BMP1: variants seen among roughly 807,000 people sequenced by gnomAD.
BMP1 encodes the protein mammalian tolloid protein.
BMP1 carries 63 observed loss-of-function variants against 116.8 expected under a neutral mutation model. That is an observed-to-expected ratio of 0.54 (90% CI 0.44 to 0.67). The LOEUF is 0.67. Among genes scored for constraint, BMP1 ranks in the 30% least tolerant of loss-of-function variants. BMP1 has a pLI of 0.00. For missense variants in BMP1, 1,183 were observed against 1,358.9 expected (o/e 0.87, Z 2.04); for synonymous variants, 536 against 533.4 (o/e 1.00, Z -0.07).
At chr8:22,176,798 G>A (rs1358230554) in intron 4 of BMP1, 148 bp downstream of exon 4, 2 of 1,011,560 alleles carry the variant, frequency 2.0e-6, no homozygotes, top group Middle Eastern at 2.6e-4. Context: ...ACTGCCCCCT[G>A]TGCGGCTGTG....
At chr8:22,180,299 G>C (rs966721966) in intron 7 of BMP1, 69 bp from the exon 8 acceptor site, 1 of 1,294,516 alleles carries the variant, frequency 7.7e-7, no homozygotes, top group African/African-American at 1.5e-5. Context: ...AAGGTTCAGG[G>C]GTGGGTGAGC....
In BMP1 at chr8:22,198,968, C is replaced by T. The variant is rs536667436; in HGVS notation, c.2107+1548C>T. 1.9e-5 allele frequency: 25 copies of T among 1,282,072 alleles called. 1 individual carries two copies. Among genetic ancestry groups the T allele is most frequent in the South Asian group, 1.9e-4 (14 of 74,116 alleles). 79.4% of individuals were successfully genotyped at this position (1,282,072 alleles called of 1,614,324 possible). On this transcript the variant is annotated intron_variant, in intron 15 of 19. Coordinates refer to ENST00000306385, the MANE Select transcript of BMP1 (RefSeq NM_006129.5). ...CACCCACTCGGGGCAGGCTCTGCCCCGGGAAACCATTACCTGCTTACTCTC... is the reference window on the plus strand; with the variant it reads ...CACCCACTCGGGGCAGGCTCTGCCCTGGGAAACCATTACCTGCTTACTCTC...
At position 22,197,292 on chromosome 8, in the gene BMP1, A is replaced by T; in HGVS notation, c.1979A>T (p.Lys660Met). Residue 660 changes from lysine to methionine, a missense_variant, in exon 15 of 20, where the codon AAG (lysine) becomes ATG (methionine). Physicochemically the swap from Lys to Met is moderately conservative, Grantham distance 95. Around this residue, in one of 4 missense-constraint regions of BMP1, gnomAD observed 956 missense variants for 1,135.2 expected, o/e 0.84. Coordinates refer to ENST00000306385, the MANE Select transcript of BMP1 (RefSeq NM_006129.5). ...EVRSGLTADS[K>M]LHGKFCGSEK... ...CGCAGTGGACTCACAGCTGACTCCA[A>T]GCTGCATGGCAAGTTCTGTGGTTCT... The T allele has an allele frequency of 6.2e-7, 1 of 1,614,006 alleles. No homozygotes were observed. Among genetic ancestry groups the T allele is most frequent in the Non-Finnish European group, 8.5e-7 (1 of 1,179,888 alleles).
chr8:22,195,977 G>A (rs1262040065), intron 13 of BMP1, among the ~76,000 whole-genome samples: 3 of 152,022 alleles, frequency 2.0e-5, no homozygotes, highest in East Asian at 1.9e-4. Context: ...CCCCTTCTTG[G>A]AAAAGCTAGA....
intron 5 of BMP1, 23 bp from the exon 6 acceptor site, chr8:22,177,829 C>A: frequency 6.4e-7 from 1 of 1,566,346 alleles, no homozygotes; most frequent in Non-Finnish European, 8.8e-7. Context: ...TCTCCCCCCA[C>A]ACCCTTTTCC....
At chr8:22,210,446 CCTCTCTCT>C (rs35296515) in intron 19 of BMP1, among the ~76,000 whole-genome samples, 174 of 135,716 alleles carry the variant, frequency 1.3e-3, no homozygotes, top group Admixed American at 3.2e-3. Flanking sequence ...TCTCTCTTTC[CCTCTCTCT>C]CTCTCTCTCT....
chr8:22,199,381 C>A (rs747683487), intron 15 of BMP1: 1 of 1,287,702 alleles, frequency 7.8e-7, no homozygotes, highest in Non-Finnish European at 1.0e-6. Context: ...CATTTGGGCA[C>A]TGTAGGGTGA....
rs1391049222 is a variant in BMP1, at chr8:22,201,794, C to T, written c.2108-9C>T. The T allele has an allele frequency of 1.2e-6, 2 of 1,613,184 alleles. No homozygotes were observed. Among genetic ancestry groups the T allele is most frequent in the Admixed American group, 1.7e-5 (1 of 59,998 alleles). ...GACCCAGCGTCTGCCCTTATTTGCT[C>T]CCCTGCAGACAAGGACGAGTGCTCC... On this transcript the variant is annotated splice_polypyrimidine_tract_variant and intron_variant, in intron 15 of 19. Transcript: ENST00000306385.
At chr8:22,202,036 G>A in intron 16 of BMP1, 108 bp downstream of exon 16, 1 of 1,437,724 alleles carries the variant, frequency 7.0e-7, no homozygotes, top group South Asian at 1.4e-5. Flanking sequence ...GGGCCTGTAT[G>A]ATCTCTAAGG....
chr8:22,187,424 C>T lies in BMP1; in HGVS notation c.1078-4625C>T, dbSNP rs559382679. Among the ~76,000 whole-genome samples the T allele has an allele frequency of 2.1e-4, 32 of 151,350 alleles. No individual in the cohort carries two copies. The South Asian group carries it at 2.7e-3, about 13-fold the overall frequency. On this transcript the variant is annotated intron_variant, in intron 8 of 19. Coordinates refer to ENST00000306385, the MANE Select transcript of BMP1 (RefSeq NM_006129.5). ...TCGGCTCACTGCAAGCTCCGCCTCC[C>T]GGGTTCAGCCATTCTCCTGCCTCAG... is the stretch of plus-strand genomic sequence containing the variant.
intron 1 of BMP1, among the ~76,000 whole-genome samples, chr8:22,165,882 C>CGTGTGTGT (rs149003237): frequency 0.11 from 14,538 of 131,198 alleles, 1,057 homozygotes; most frequent in Non-Finnish European, 0.13. Flanking sequence ...CCTGTGCGTG[C>CGTGTGTGT]GTGTGTGTGT....
intron 1 of BMP1, among the ~76,000 whole-genome samples, chr8:22,165,878 C>CGTGGGTGTGTGTGTGTGTGTGTGT (rs1432185239): frequency 1.6e-4 from 11 of 67,800 alleles, no homozygotes; most frequent in African/African-American, 4.9e-4. Context: ...AACTCCTGTG[C>CGTGGGTGTGTGTGTGTGTGTGTGT]GTGCGTGTGT....
At chr8:22,188,181 T>TG (rs1828831018) in intron 8 of BMP1, among the ~76,000 whole-genome samples, 2 of 149,336 alleles carry the variant, frequency 1.3e-5, no homozygotes, top group African/African-American at 5.0e-5. Context: ...TTTTGGGTTT[T>TG]TTTTTTTTTT....
chr8:22,196,748 C>A lies in BMP1; in HGVS notation c.1834C>A (p.Pro612Thr), dbSNP rs1424662279. 6.2e-7 allele frequency: 1 copy of A among 1,613,976 alleles called. No individual in the cohort carries two copies. The highest frequency in any genetic ancestry group is 8.5e-7 in the Non-Finnish European group (1 of 1,179,964). ...ITSPGWPKEYPPNKNCIWQLV... is the reference protein window; with the variant it reads ...ITSPGWPKEYTPNKNCIWQLV... ...CAGCCCGGGCTGGCCCAAGGAGTAC[C>A]CCCCCAACAAGAACTGCATCTGGCA... Residue 612 changes from proline to threonine, a missense_variant, in exon 14 of 20, where the codon CCC becomes ACC. Pro to Thr is a conservative substitution (Grantham distance 38). This residue lies in a region of BMP1 where 956 missense variants were observed against 1,135.2 expected (regional missense o/e 0.84). Coordinates refer to ENST00000306385, the MANE Select transcript of BMP1 (RefSeq NM_006129.5).
In BMP1 at chr8:22,179,959, C is replaced by G. The variant is rs1028723558; in HGVS notation, c.961+130C>G. ...AGAATGGTGTGGCGGGGGAGGGGAC[C>G]CCATAGGAGGGGCAGTGTCCAAGTG... On this transcript the variant is annotated intron_variant, in intron 7 of 19. Transcript: ENST00000306385. The surrounding 1 kb of genome is among the most constrained non-coding windows in gnomAD (Gnocchi z 4.6). 4.6e-6 allele frequency: 5 copies of G among 1,082,856 alleles called. No individual in the cohort carries two copies. Among genetic ancestry groups the G allele is most frequent in the Non-Finnish European group, 6.5e-6 (5 of 770,082 alleles). The allele number at this position is 1,082,856 out of a possible 1,614,324, so 67.1% of individuals were successfully genotyped here. A position where few individuals can be genotyped will look rare whatever the true frequency, so the allele number is the denominator to read the frequency against.
rs749912889 is a variant in BMP1, at chr8:22,176,227, C to G, written c.347C>G (p.Ser116Cys). The G allele has an allele frequency of 6.2e-7, 1 of 1,614,066 alleles. No individual in the cohort carries two copies. The highest frequency in any genetic ancestry group is 1.1e-5 in the South Asian group (1 of 91,062). The stretch of plus-strand genomic sequence containing the variant: ...GCCTGTGGGAGATGGAGAGGTAGAT[C>G]CCGTAGCCGGCGGGCGGCGACGTCC... ...RGACGRWRGR[S>C]RSRRAATSRP... Residue 116 changes from serine to cysteine, a missense_variant, in exon 3 of 20, where the codon TCC (serine) becomes TGC (cysteine). This residue lies in a region of BMP1 where 185 missense variants were observed against 158.9 expected (regional missense o/e 1.16). Transcript: ENST00000306385.
chr8:22,175,811 G>A (rs529806701), intron 2 of BMP1, among the ~76,000 whole-genome samples: 2 of 152,214 alleles, frequency 1.3e-5, no homozygotes, highest in South Asian at 4.2e-4. Flanking sequence ...CCTCAACAAA[G>A]CGCACAAAAA....
chr8:22,209,513 A>G lies in BMP1; in HGVS notation c.2644A>G (p.Asn882Asp). The G allele has an allele frequency of 1.9e-6, 3 of 1,614,210 alleles. No homozygotes were observed. The highest frequency in any genetic ancestry group is 2.5e-6 in the Non-Finnish European group (3 of 1,180,020). Residue 882 changes from asparagine to aspartate, a missense_variant, in exon 19 of 20, where the codon AAC becomes GAC. Physicochemically the swap from Asn to Asp is conservative, Grantham distance 23. Around this residue, in one of 4 missense-constraint regions of BMP1, gnomAD observed 956 missense variants for 1,135.2 expected, o/e 0.84. Coordinates refer to ENST00000306385, the MANE Select transcript of BMP1 (RefSeq NM_006129.5). Reference protein sequence around the residue: ...DLYSHAQFGDNNYPGGVDCEW... With the variant: ...DLYSHAQFGDDNYPGGVDCEW... ...TTACTCCCACGCCCAGTTTGGCGAC[A>G]ACAACTACCCTGGGGGTGTGGACTG... is the stretch of plus-strand genomic sequence containing the variant.
At chr8:22,202,280 G>T (rs1829281657) in intron 16 of BMP1, among the ~76,000 whole-genome samples, 1 of 152,208 alleles carries the variant, frequency 6.6e-6, no homozygotes, top group South Asian at 2.1e-4. Flanking sequence ...TCCAGAGCCA[G>T]GTGGCCTGGC....
Sources: gnomAD v4.1 joint callset for allele counts (sites outside exome capture counted in the v4.1 genomes callset) on GRCh38, gnomAD v4.1.1 for gene constraint, gnomAD v4.1.1 regional missense constraint, Gnocchi (gnomAD v3.1) non-coding constraint, MANE v1.5 for transcripts, NCBI Gene and HGNC (gene_info 2026-07-23, HGNC 2026-07-21) for gene names.